The following GTF3C1 variants were observed in gnomAD, a reference collection of about 807,000 sequenced individuals.
GTF3C1 encodes the protein general transcription factor 3C polypeptide 1.
A neutral mutation model predicts 226.7 loss-of-function variants in GTF3C1; 57 were observed. The ratio of observed to expected loss-of-function variants is 0.25; its 90% CI spans 0.20 to 0.31. The LOEUF (loss-of-function observed/expected upper bound fraction) is 0.31. Among genes scored for constraint, GTF3C1 ranks in the 10% least tolerant of loss-of-function variants. The pLI is 1.00. For synonymous variants in GTF3C1, 1,090 were observed against 1,084.8 expected (o/e 1.00, Z -0.09); for missense variants, 2,217 against 2,776.1 (o/e 0.80, Z 4.53).
At position 27,549,724 on chromosome 16, in the gene GTF3C1, C is replaced by T. The variant is rs2089250248; in HGVS notation, c.167G>A (p.Gly56Asp). ...FLWRALATHP[G>D]ISFYEEPRER... ...CCGAGGCTCCTCATAGAAGCTGATG[C>T]CCGGGTGCGTGGCGAGGGCCCGCCA... The change falls in exon 1 of 37, where the codon GGC becomes GAC. Residue 56 changes from glycine to aspartate, a missense_variant. This residue lies in a region of GTF3C1 where 192 missense variants were observed against 251.8 expected (regional missense o/e 0.76). Transcript: ENST00000356183. 7.5e-6 allele frequency: 12 copies of T among 1,608,138 alleles called. No homozygotes were observed. The highest frequency in any genetic ancestry group is 1.3e-5 in the African/African-American group (1 of 74,748).
At position 27,461,534 on chromosome 16, in the gene GTF3C1, T is replaced by G; in HGVS notation, c.6146A>C (p.Lys2049Thr). 1.2e-6 allele frequency: 2 copies of G among 1,613,830 alleles called. No individual in the cohort carries two copies. Among genetic ancestry groups the G allele is most frequent in the Non-Finnish European group, 1.7e-6 (2 of 1,179,952 alleles). Reference protein sequence around the residue: ...QGLESLGCIRKRWLRKPRPVS... With the variant: ...QGLESLGCIRTRWLRKPRPVS... ...AGGCCTTGGCTTTCTCAGCCAGCGC[T>G]TCCGGATGCAGCCGAGGGACTCCAG... is the stretch of plus-strand genomic sequence containing the variant. Residue 2049 changes from lysine to threonine, a missense_variant, in exon 37 of 37, where the codon AAG becomes ACG. Physicochemically the swap from Lys to Thr is moderately conservative, Grantham distance 78. Coordinates refer to ENST00000356183, the MANE Select transcript of GTF3C1 (RefSeq NM_001520.4). The surrounding 1 kb of genome is among the most constrained non-coding windows in gnomAD (Gnocchi z 5.3).
chr16:27,504,162 C>T (rs755576739), intron 10 of GTF3C1, among the ~76,000 whole-genome samples: 2 of 152,310 alleles, frequency 1.3e-5, no homozygotes, highest in South Asian at 2.1e-4. Context: ...ACAGTTGGTG[C>T]CATTCTTCTC....
chr16:27,496,736 G>T (rs970271154), intron 14 of GTF3C1, among the ~76,000 whole-genome samples: 5 of 152,196 alleles, frequency 3.3e-5, no homozygotes, highest in Admixed American at 1.3e-4. Context: ...TTATTTCTTT[G>T]TTGATACAAA....
intron 19 of GTF3C1, among the ~76,000 whole-genome samples, chr16:27,490,842 C>T (rs565730197): frequency 2.0e-5 from 3 of 152,286 alleles, no homozygotes; most frequent in African/African-American, 7.2e-5. Flanking sequence ...GGGGTAGAAC[C>T]TCTTCAAATG....
intron 5 of GTF3C1, among the ~76,000 whole-genome samples, chr16:27,529,450 A>AAG (rs1453203607): frequency 6.6e-6 from 1 of 152,040 alleles, no homozygotes; most frequent in African/African-American, 2.4e-5. Context: ...CAAAAAAAAA[A>AAG]AAAAAAATTG....
chr16:27,482,687 G>A (rs1159827473), intron 26 of GTF3C1: 8 of 457,700 alleles, frequency 1.7e-5, no homozygotes, highest in Admixed American at 1.6e-4. Context: ...GTCAGCCACC[G>A]CCTTGGCCCC....
intron 23 of GTF3C1, 122 bp from the exon 24 acceptor site, chr16:27,486,276 T>C: frequency 3.4e-6 from 2 of 581,022 alleles, no homozygotes; most frequent in Non-Finnish European, 6.2e-6. Flanking sequence ...GGTTAGCAGA[T>C]ACTCATTGTA....
Position 27,481,133 on chromosome 16 carries a change from G to A in GTF3C1, c.4142C>T (p.Ala1381Val), listed in dbSNP as rs2088038777. 1 of 1,614,224 alleles carries A rather than the reference G, an allele frequency of 6.2e-7. No homozygotes were observed. The change falls in exon 27 of 37, where the codon GCC becomes GTC. Residue 1381 changes from alanine to valine, a missense_variant. Physicochemically the swap from Ala to Val is moderately conservative, Grantham distance 64. Around this residue, in one of 12 missense-constraint regions of GTF3C1, gnomAD observed 546 missense variants for 663.0 expected, o/e 0.82. Coordinates refer to ENST00000356183, the MANE Select transcript of GTF3C1 (RefSeq NM_001520.4). ...VEKLKEKFSS[A>V]LRNSNLEIPD... The stretch of plus-strand genomic sequence containing the variant: ...GATTTCAAGGTTAGAATTCCTTAGG[G>A]CTGAACTGAACTTTTCTTTAAGCTT...
In GTF3C1 at chr16:27,463,522, GC is replaced by G; in HGVS notation, c.5924+18del. The G allele has an allele frequency of 6.6e-7, 1 of 1,510,222 alleles. No homozygotes were observed. Among genetic ancestry groups the G allele is most frequent in the Non-Finnish European group, 9.2e-7 (1 of 1,085,258 alleles). 93.6% of individuals were successfully genotyped at this position (1,510,222 alleles called of 1,614,324 possible). On this transcript the variant is annotated intron_variant, in intron 35 of 36. Transcript: ENST00000356183. The surrounding 1 kb of genome is among the most constrained non-coding windows in gnomAD (Gnocchi z 4.9). ...CAAGAGCCCCGCCCCAGGCCCCGGA[GC>G]CAGAACCCCACACCCACCTTTCCCG...
chr16:27,489,278 T>C (rs1596628141), intron 20 of GTF3C1, 100 bp from the exon 21 acceptor site: 3 of 1,364,242 alleles, frequency 2.2e-6, no homozygotes, highest in East Asian at 4.7e-5. Context: ...TAACCAACTT[T>C]CACCTTTCCA....
In GTF3C1 at chr16:27,507,542, A is replaced by T. The variant is rs1324256085; in HGVS notation, c.1243-386T>A. ...CTGAAAAGTTAGACTGTGGAACGCAAGCTCCACTTAGCCACTGCCATGAGG... is the reference window on the plus strand; with the variant it reads ...CTGAAAAGTTAGACTGTGGAACGCATGCTCCACTTAGCCACTGCCATGAGG... On this transcript the variant is annotated intron_variant, in intron 8 of 36. Transcript: ENST00000356183. This position sits in a 1 kb window ranked among gnomAD's most constrained non-coding sequence, Gnocchi z 4.9. 6.6e-6 allele frequency among the ~76,000 whole-genome samples: 1 copy of T among 152,244 alleles called. No homozygotes were observed. The highest frequency in any genetic ancestry group is 1.5e-5 in the Non-Finnish European group (1 of 68,040).
intron 6 of GTF3C1, among the ~76,000 whole-genome samples, chr16:27,524,403 G>T (rs959836375): frequency 2.0e-5 from 3 of 152,170 alleles, no homozygotes; most frequent in Non-Finnish European, 4.4e-5. Context: ...TCAGCCTGTG[G>T]CCCTGCTCTA....
chr16:27,481,498 G>A (rs1342578291), intron 26 of GTF3C1, among the ~76,000 whole-genome samples: 1 of 152,002 alleles, frequency 6.6e-6, no homozygotes, highest in Non-Finnish European at 1.5e-5. Flanking sequence ...TGACTCAAAC[G>A]TGCCCCACAC....
At chr16:27,529,344 G>A (rs1413520118) in intron 5 of GTF3C1, among the ~76,000 whole-genome samples, 1 of 151,986 alleles carries the variant, frequency 6.6e-6, no homozygotes, top group Non-Finnish European at 1.5e-5. Flanking sequence ...TCAGGAGGTT[G>A]AGGGTGAGAA....
At chr16:27,532,384 G>A (rs1400493724) in intron 5 of GTF3C1, among the ~76,000 whole-genome samples, 1 of 152,102 alleles carries the variant, frequency 6.6e-6, no homozygotes, top group African/African-American at 2.4e-5. Flanking sequence ...CACTCATTAG[G>A]GGACTAACTA....
rs140502096 is a variant in GTF3C1, at chr16:27,491,436, G to A, written c.3151+902C>T. On this transcript the variant is annotated intron_variant, in intron 19 of 36. Transcript: ENST00000356183. ...TTTACAGGATGCCGACTGTGCACCCGACACTTTGCGACACATCATGGGGAT... is the reference window on the plus strand; with the variant it reads ...TTTACAGGATGCCGACTGTGCACCCAACACTTTGCGACACATCATGGGGAT... Among the ~76,000 whole-genome samples, 474 of 152,266 alleles carry A rather than the reference G, an allele frequency of 3.1e-3. 4 individuals carry two copies. The Middle Eastern group carries it at 0.037, about 12-fold the overall frequency.
Position 27,464,305 on chromosome 16 carries a change from C to T in GTF3C1, c.5872+15G>A, listed in dbSNP as rs377061816. 8.8e-5 allele frequency: 127 copies of T among 1,437,198 alleles called. No homozygotes were observed. Among genetic ancestry groups the T allele is most frequent in the Non-Finnish European group, 1.1e-4 (122 of 1,091,572 alleles). 89.0% of individuals were successfully genotyped at this position (1,437,198 alleles called of 1,614,324 possible). Reference sequence around the variant, plus strand: ...GGGTGGGGTGAGGTGGGGTGGGGGACAAGGCGCGCGGTACCTCTGGGGTCT... The same window carrying T: ...GGGTGGGGTGAGGTGGGGTGGGGGATAAGGCGCGCGGTACCTCTGGGGTCT... On this transcript the variant is annotated intron_variant, in intron 34 of 36. Transcript: ENST00000356183.
Position 27,511,879 on chromosome 16 carries a change from G to A in GTF3C1, c.996C>T (p.Cys332=), listed in dbSNP as rs1567404742. The A allele has an allele frequency of 6.2e-7, 1 of 1,614,046 alleles. No individual in the cohort carries two copies. Among genetic ancestry groups the A allele is most frequent in the Non-Finnish European group, 8.5e-7 (1 of 1,180,010 alleles). ...GTTTAAATTCCTTCAGCAGCTTGAG[G>A]CACCGAACCATGACGTCGGTCCCTG... is the stretch of plus-strand genomic sequence containing the variant. The part of the protein sequence containing the change: ...TKKGTDVMVR[C]LKLLKEFKRN... Residue 332 remains cysteine, a synonymous_variant, in exon 7 of 37, where the codon TGC becomes TGT. Transcript: ENST00000356183.
chr16:27,490,003 C>G (rs972331373), intron 19 of GTF3C1, among the ~76,000 whole-genome samples: 1 of 152,218 alleles, frequency 6.6e-6, no homozygotes, highest in African/African-American at 2.4e-5. Context: ...TCACTGAAGA[C>G]AGAAGGCAGG....
Sources: gnomAD v4.1 joint callset for allele counts (sites outside exome capture counted in the v4.1 genomes callset) on GRCh38, gnomAD v4.1.1 for gene constraint, gnomAD v4.1.1 regional missense constraint, Gnocchi (gnomAD v3.1) non-coding constraint, MANE v1.5 for transcripts, NCBI Gene and HGNC (gene_info 2026-07-23, HGNC 2026-07-21) for gene names.